ADAP1: variants seen among roughly 807,000 people sequenced by gnomAD.
The protein encoded by ADAP1 is ArfGAP with dual PH domains 1.
In ADAP1, 31 loss-of-function variants were observed where a neutral mutation model predicts 54.9. The ratio of observed to expected loss-of-function variants is 0.56; its 90% CI spans 0.42 to 0.76. ADAP1 has a LOEUF of 0.76. ADAP1 is among the 30% of genes least tolerant of loss of function. The pLI, the probability that ADAP1 is intolerant of heterozygous loss-of-function variation, is 0.00. For synonymous variants in ADAP1, 313 were observed against 202.6 expected (o/e 1.55, Z -4.63); for missense variants, 535 against 512.4 (o/e 1.04, Z -0.42).
intron 5 of ADAP1, 73 bp downstream of exon 5, chr7:904,987 C>G: frequency 7.3e-7 from 1 of 1,364,418 alleles, no homozygotes; most frequent in Non-Finnish European, 1.0e-6. Flanking sequence ...ACGCGGCCAC[C>G]ACAGGCCCCA....
Position 919,996 on chromosome 7 carries a change from G to T in ADAP1, c.360C>A (p.Tyr120Ter). 1 of 1,607,640 alleles carries T rather than the reference G, an allele frequency of 6.2e-7. No individual in the cohort carries two copies. The change falls in exon 4 of 11, where the codon TAC becomes TAA. Residue 120 changes from tyrosine (Y) to a stop codon, truncating the protein, a stop_gained. Coordinates refer to ENST00000265846, the MANE Select transcript of ADAP1 (RefSeq NM_006869.4). LOFTEE classifies it high-confidence loss of function. ...RAKYERQEFI[Y>*]PEKQEPYSAG... ...CCGAGTAGGGCTCCTGCTTCTCCGG[G>T]TAGATGAACTCCTGTCGCTCGTACT... is the stretch of plus-strand genomic sequence containing the variant.
intron 4 of ADAP1, chr7:905,476 G>GAGAAAGGAGAAAGGAGAAAGGAGAAAGGA (rs373057755): frequency 5.5e-5 from 3 of 54,930 alleles, no homozygotes; most frequent in Non-Finnish European, 6.5e-5. Context: ...AAGGAGAAAG[G>GAGAAAGGAGAAAGGAGAAAGGAGAAAGGA]GAAAGGAGAA....
At chr7:903,282 C>A (rs73672460) in intron 6 of ADAP1, among the ~76,000 whole-genome samples, 1 of 152,108 alleles carries the variant, frequency 6.6e-6, no homozygotes, top group Non-Finnish European at 1.5e-5. Flanking sequence ...CAGCGGAGCA[C>A]GGCAGGCAGG....
Position 921,025 on chromosome 7 carries a change from GGT to G in ADAP1, c.306-977_306-976del, listed in dbSNP as rs751503009. ...GCTGGGTCTCTGGCCCCTGGCCCCA[GGT>G]GTGTGTGTGTCCCCCACCTGCTACA... On this transcript the variant is annotated intron_variant, in intron 3 of 10. Coordinates refer to ENST00000265846, the MANE Select transcript of ADAP1 (RefSeq NM_006869.4). The G allele has an allele frequency of 4.3e-4, 274 of 631,106 alleles. 1 individual carries two copies. The highest frequency in any genetic ancestry group is 3.9e-3 in the Middle Eastern group (15 of 3,892). 39.1% of individuals were successfully genotyped at this position (631,106 alleles called of 1,614,324 possible).
At position 938,923 on chromosome 7, in the gene ADAP1, G is replaced by A. The variant is rs952909554; in HGVS notation, c.83-3418C>T. Among the ~76,000 whole-genome samples, 3 of 152,172 alleles carry A rather than the reference G, an allele frequency of 2.0e-5. No homozygotes were observed. The highest frequency in any genetic ancestry group is 7.2e-5 in the African/African-American group (3 of 41,448). On this transcript the variant is annotated intron_variant, in intron 1 of 10. Coordinates refer to ENST00000265846, the MANE Select transcript of ADAP1 (RefSeq NM_006869.4). The surrounding 1 kb of genome is among the most constrained non-coding windows in gnomAD (Gnocchi z 4.4). Reference sequence around the variant, plus strand: ...ACCAACAGCTCCCGCCCAGCCCAGGGTCCAGAATGCCTGTGCCCACCTCCA... The same window carrying A: ...ACCAACAGCTCCCGCCCAGCCCAGGATCCAGAATGCCTGTGCCCACCTCCA...
chr7:949,879 T>C (rs1216271093), intron 1 of ADAP1, among the ~76,000 whole-genome samples: 2 of 152,240 alleles, frequency 1.3e-5, no homozygotes, highest in African/African-American at 4.8e-5. Flanking sequence ...AGGGGAAACC[T>C]GTCTAGCAGT....
intron 5 of ADAP1, among the ~76,000 whole-genome samples, chr7:904,729 T>C (rs1583124323): frequency 1.3e-5 from 2 of 152,316 alleles, no homozygotes; most frequent in African/African-American, 4.8e-5. Context: ...CCAGGGTACC[T>C]CCAGGAAAAC....
At chr7:952,561 C>G (rs762732345) in intron 1 of ADAP1, among the ~76,000 whole-genome samples, 31 of 152,266 alleles carry the variant, frequency 2.0e-4, no homozygotes, top group African/African-American at 7.2e-4. Context: ...GCTAGGCAGC[C>G]CCCTGCCTCC....
At chr7:907,393 G>A (rs1275195193) in intron 4 of ADAP1, among the ~76,000 whole-genome samples, 1 of 152,126 alleles carries the variant, frequency 6.6e-6, no homozygotes, top group African/African-American at 2.4e-5. Flanking sequence ...AGGAGCACCA[G>A]GGAGAGGCCA....
At chr7:914,461 G>A (rs1042417675) in intron 4 of ADAP1, among the ~76,000 whole-genome samples, 2 of 152,222 alleles carry the variant, frequency 1.3e-5, no homozygotes, top group African/African-American at 4.8e-5. Context: ...ACTGCCAACT[G>A]GCGCTGGAGC....
In ADAP1 at chr7:904,703, T is replaced by C. The variant is rs1208703823; in HGVS notation, c.501+357A>G. Reference sequence around the variant, plus strand: ...TGTTCTTGCCAATGTGTTTGTCCTGTCCCAGTCCAGTCTCCCCAGGGTACC... The same window carrying C: ...TGTTCTTGCCAATGTGTTTGTCCTGCCCCAGTCCAGTCTCCCCAGGGTACC... On this transcript the variant is annotated intron_variant, in intron 5 of 10. Transcript: ENST00000265846. Among the ~76,000 whole-genome samples the C allele has an allele frequency of 2.6e-5, 4 of 152,226 alleles. No homozygotes were observed. In the East Asian group the frequency reaches 5.8e-4, roughly 22 times the overall value.
intron 6 of ADAP1, 52 bp from the exon 7 acceptor site, chr7:900,668 G>A: frequency 2.2e-6 from 3 of 1,376,748 alleles, no homozygotes; most frequent in Middle Eastern, 2.4e-4. Context: ...CAGCGCTGGG[G>A]TCCCCACAGA....
At chr7:927,112 C>G in intron 2 of ADAP1, 1 of 1,303,892 alleles carries the variant, frequency 7.7e-7, no homozygotes, top group Non-Finnish European at 1.0e-6. Context: ...GGCTGGTGAG[C>G]GAGAGACCCA....
At chr7:927,066 G>C in intron 2 of ADAP1, 1 of 1,292,790 alleles carries the variant, frequency 7.7e-7, no homozygotes, top group Non-Finnish European at 1.0e-6. Flanking sequence ...ATTTAGCAAA[G>C]AGCCAACAGG....
chr7:942,940 A>G (rs1847006434), intron 1 of ADAP1, among the ~76,000 whole-genome samples: 1 of 19,728 alleles, frequency 5.1e-5, no homozygotes. Flanking sequence ...AGTGAGGAGG[A>G]GGAAGAGAGA....
chr7:944,452 C>T (rs1362009710), intron 1 of ADAP1, among the ~76,000 whole-genome samples: 1 of 152,020 alleles, frequency 6.6e-6, no homozygotes, highest in African/African-American at 2.4e-5. Flanking sequence ...ACGGGGTTCA[C>T]CATGTTGGCC....
At chr7:914,170 T>C (rs1217448159) in intron 4 of ADAP1, among the ~76,000 whole-genome samples, 6 of 152,126 alleles carry the variant, frequency 3.9e-5, no homozygotes, top group Non-Finnish European at 7.4e-5. Flanking sequence ...TGGTTCCGGC[T>C]CATTCCAGGG....
intron 6 of ADAP1, chr7:901,178 A>C (rs1844792449): frequency 7.8e-5 from 29 of 369,552 alleles, no homozygotes; most frequent in South Asian, 5.6e-4. Flanking sequence ...GCACCCTGGA[A>C]CAGAGGGCCC....
At chr7:942,418 G>A (rs1583184409) in intron 1 of ADAP1, among the ~76,000 whole-genome samples, 2 of 96,950 alleles carry the variant, frequency 2.1e-5, no homozygotes, top group East Asian at 3.3e-4. Flanking sequence ...GAGGAGGAAG[G>A]GAGAGAGGAG....
Sources: allele counts gnomAD v4.1 joint callset (sites outside exome capture counted in the v4.1 genomes callset), GRCh38; gene constraint gnomAD v4.1.1; non-coding constraint Gnocchi (gnomAD v3.1); transcripts MANE v1.5; gene names NCBI Gene and HGNC (gene_info 2026-07-23, HGNC 2026-07-21).